Variants in ACBD3 observed in about 807,000 individuals in gnomAD.
The protein encoded by ACBD3 is Golgi resident protein GCP60.
Under a neutral mutation model 66.9 loss-of-function variants are expected in ACBD3, and 30 were observed. That is an observed-to-expected ratio of 0.45 (90% CI 0.34 to 0.61). The LOEUF (loss-of-function observed/expected upper bound fraction) is 0.61, where lower values mean the gene tolerates loss of function less well. Ranked by LOEUF, ACBD3 falls within the 20% of genes least tolerant of loss-of-function variation. The pLI, the probability that ACBD3 is intolerant of heterozygous loss-of-function variation, is 0.02. For missense variants in ACBD3, 544 were observed against 664.5 expected (o/e 0.82, Z 1.99); for synonymous variants, 278 against 259.8 (o/e 1.07, Z -0.68).
intron 7 of ACBD3, among the ~76,000 whole-genome samples, chr1:226,151,496 T>G (rs1002442787): frequency 2.6e-5 from 4 of 152,190 alleles, no homozygotes; most frequent in African/African-American, 9.6e-5. Context: ...AAACACCCAA[T>G]TTTGTCTACT....
At chr1:226,172,371 T>C (rs1324025038) in intron 1 of ACBD3, among the ~76,000 whole-genome samples, 1 of 152,064 alleles carries the variant, frequency 6.6e-6, no homozygotes, top group Non-Finnish European at 1.5e-5. Flanking sequence ...TGAACTGTCC[T>C]TGCATTCCCA....
Position 226,186,553 on chromosome 1 carries a change from C to A in ACBD3, c.123G>T (p.Pro41=). The change falls in exon 1 of 8, where the codon CCG becomes CCT. Residue 41 remains proline (P), a synonymous_variant. Transcript: ENST00000366812. ...GAPLLPPPLP[P]PSPPGSGRGP... is the part of the protein sequence containing the mutation. The stretch of plus-strand genomic sequence containing the variant: ...CGCGACCGGATCCAGGTGGCGAGGG[C>A]GGTGGCAGCGGTGGCGGCAGCAGCG... The A allele has an allele frequency of 2.2e-6, 3 of 1,359,670 alleles. No homozygotes were observed. The highest frequency in any genetic ancestry group is 2.8e-6 in the Non-Finnish European group (3 of 1,061,554). 84.2% of individuals were successfully genotyped at this position (1,359,670 alleles called of 1,614,324 possible). A position where few individuals can be genotyped will look rare whatever the true frequency, so the allele number is the denominator to read the frequency against.
At chr1:226,147,587 C>G (rs1265390588) in intron 7 of ACBD3, among the ~76,000 whole-genome samples, 1 of 152,140 alleles carries the variant, frequency 6.6e-6, no homozygotes, top group Non-Finnish European at 1.5e-5. Context: ...TTTGTGAGGA[C>G]TATTGCTTTC....
intron 4 of ACBD3, among the ~76,000 whole-genome samples, chr1:226,160,401 G>A (rs983271881): frequency 6.6e-6 from 1 of 152,096 alleles, no homozygotes; most frequent in Non-Finnish European, 1.5e-5. Context: ...GCAACCACAT[G>A]CTTCTTAACT....
chr1:226,169,933 G>C (rs1659958825), intron 1 of ACBD3, among the ~76,000 whole-genome samples: 1 of 149,090 alleles, frequency 6.7e-6, no homozygotes, highest in African/African-American at 2.5e-5. Context: ...GCTGAGGCAG[G>C]AGAATCGCTT....
rs1286247176 is a variant in ACBD3, at chr1:226,186,529, G to A, written c.147C>T (p.Arg49=). 7.2e-7 allele frequency: 1 copy of A among 1,388,744 alleles called. No individual in the cohort carries two copies. 86.0% of individuals were successfully genotyped at this position (1,388,744 alleles called of 1,614,324 possible). A position where few individuals can be genotyped will look rare whatever the true frequency, so the allele number is the denominator to read the frequency against. ...GCTGCTCCCCTGAGGCGCCCGGGCCGCGACCGGATCCAGGTGGCGAGGGCG... is the reference window on the plus strand; with the variant it reads ...GCTGCTCCCCTGAGGCGCCCGGGCCACGACCGGATCCAGGTGGCGAGGGCG... ...LPPPSPPGSG[R]GPGASGEQPE... Residue 49 remains arginine (R), a synonymous_variant, in exon 1 of 8, where the codon CGC becomes CGT. Transcript: ENST00000366812.
intron 1 of ACBD3, among the ~76,000 whole-genome samples, chr1:226,168,690 TTAAAC>T (rs1313408582): frequency 1.3e-5 from 2 of 152,226 alleles, no homozygotes; most frequent in Non-Finnish European, 2.9e-5. Flanking sequence ...GATGCTGGCG[TTAAAC>T]TAACCTACTG....
rs780580689 is a variant in ACBD3, at chr1:226,154,737, C to T, written c.1000G>A (p.Val334Ile). 9 of 1,613,850 alleles carry T rather than the reference C, an allele frequency of 5.6e-6. No individual in the cohort carries two copies. In the African/African-American group the frequency reaches 1.1e-4, roughly 19 times the overall value. The change falls in exon 6 of 8, where the codon GTT (valine) becomes ATT (isoleucine). Residue 334 changes from valine (V) to isoleucine (I), a missense_variant. This residue lies in a region of ACBD3 where 383 missense variants were observed against 462.4 expected (regional missense o/e 0.83). Transcript: ENST00000366812. ...GTGTGTGTTTTGGCCTGTCCATTAA[C>T]TGACATCATATTACTTGGTACAGTT... is the stretch of plus-strand genomic sequence containing the variant. ...NATVPSNMMSVNGQAKTHTDS... is the reference protein window; with the variant it reads ...NATVPSNMMSINGQAKTHTDS...
In ACBD3 at chr1:226,145,203, A is replaced by G. The variant is rs1659424334; in HGVS notation, c.*1407T>C. On this transcript the variant is annotated 3_prime_UTR_variant, in exon 8 of 8. Transcript: ENST00000366812. ...AACAACCAAAAGAGAACAGAGTTAG[A>G]TATGTACAAAACCAGGTATTAAAAA... The G allele has an allele frequency of 6.6e-6, 1 of 152,590 alleles. No homozygotes were observed. The highest frequency in any genetic ancestry group is 2.1e-4 in the South Asian group (1 of 4,832). 9.5% of individuals were successfully genotyped at this position (152,590 alleles called of 1,614,324 possible). A position where few individuals can be genotyped will look rare whatever the true frequency, so the allele number is the denominator to read the frequency against.
chr1:226,152,191 A>T, intron 7 of ACBD3, 144 bp downstream of exon 7: 1 of 1,148,656 alleles, frequency 8.7e-7, no homozygotes, highest in Non-Finnish European at 1.2e-6. Context: ...TAACATTTTC[A>T]GCCCAAGGTC....
At chr1:226,175,000 C>G (rs532073302) in intron 1 of ACBD3, among the ~76,000 whole-genome samples, 1 of 143,766 alleles carries the variant, frequency 7.0e-6, no homozygotes, top group Admixed American at 7.5e-5. Flanking sequence ...GAGGCTGAGA[C>G]AGGAGAATCG....
intron 1 of ACBD3, among the ~76,000 whole-genome samples, chr1:226,173,757 C>CTTTTTTTTTTTT: frequency 1.1e-5 from 1 of 88,324 alleles, no homozygotes; most frequent in Non-Finnish European, 2.1e-5. Context: ...TTTTTCTTTT[C>CTTTTTTTTTTTT]TTTTTTTTTT....
intron 1 of ACBD3, among the ~76,000 whole-genome samples, chr1:226,174,254 G>C (rs1016100463): frequency 6.6e-6 from 1 of 151,948 alleles, no homozygotes; most frequent in Non-Finnish European, 1.5e-5. Context: ...CATCATCCTC[G>C]GCTCTTGCAC....
At chr1:226,154,532 A>G in intron 6 of ACBD3, 115 bp downstream of exon 6, 1 of 1,232,564 alleles carries the variant, frequency 8.1e-7, no homozygotes, top group Non-Finnish European at 1.1e-6. Context: ...AAAAATGTTC[A>G]ACTCTCACAA....
chr1:226,161,417 C>A, intron 4 of ACBD3, 114 bp downstream of exon 4: 1 of 1,483,506 alleles, frequency 6.7e-7, no homozygotes, highest in Non-Finnish European at 9.1e-7. Flanking sequence ...CTCCGCCTCC[C>A]AAAGTGCTGG....
intron 6 of ACBD3, among the ~76,000 whole-genome samples, chr1:226,154,136 A>G (rs1659626581): frequency 6.6e-6 from 1 of 152,236 alleles, no homozygotes. Context: ...CTGCTCCTGA[A>G]ACCCTGACCC....
At chr1:226,169,193 T>C (rs1659935600) in intron 1 of ACBD3, among the ~76,000 whole-genome samples, 1 of 151,986 alleles carries the variant, frequency 6.6e-6, no homozygotes, top group Non-Finnish European at 1.5e-5. Context: ...GGCGATAATT[T>C]GAAAAATAGC....
At chr1:226,147,503 C>A (rs1449338105) in intron 7 of ACBD3, among the ~76,000 whole-genome samples, 1 of 152,180 alleles carries the variant, frequency 6.6e-6, no homozygotes, top group Non-Finnish European at 1.5e-5. Flanking sequence ...ATCTGAGTAA[C>A]ATGAAAATGT....
At chr1:226,149,250 G>A (rs1023470472) in intron 7 of ACBD3, among the ~76,000 whole-genome samples, 2 of 149,630 alleles carry the variant, frequency 1.3e-5, no homozygotes, top group African/African-American at 4.9e-5. Flanking sequence ...TTTTTGAGAC[G>A]GAGTCTGGCT....
Sources: allele counts gnomAD v4.1 joint callset (sites outside exome capture counted in the v4.1 genomes callset), GRCh38; gene constraint gnomAD v4.1.1; regional missense constraint gnomAD v4.1.1; transcripts MANE v1.5; gene names NCBI Gene and HGNC (gene_info 2026-07-23, HGNC 2026-07-21).